Variants in LRP1B observed in about 807,000 individuals in gnomAD.
LRP1B encodes the protein LDL receptor related protein 1B.
A neutral mutation model predicts 556.6 loss-of-function variants in LRP1B; 217 were observed. That is an observed-to-expected ratio of 0.39 (90% CI 0.35 to 0.44). The LOEUF (loss-of-function observed/expected upper bound fraction) is 0.44, where lower values mean the gene tolerates loss of function less well. Ranked by LOEUF, LRP1B falls within the 20% of genes least tolerant of loss-of-function variation. The pLI, the probability that LRP1B is intolerant of heterozygous loss-of-function variation, is 1.00. For missense variants in LRP1B, 5,053 were observed against 5,620.8 expected (o/e 0.90, Z 3.23); for synonymous variants, 2,047 against 1,865.8 (o/e 1.10, Z -2.50).
Position 140,364,665 on chromosome 2 carries a change from C to T in LRP1B, c.11127G>A (p.Met3709Ile), listed in dbSNP as rs751267388. The T allele has an allele frequency of 6.2e-7, 1 of 1,609,424 alleles. No individual in the cohort carries two copies. The highest frequency in any genetic ancestry group is 8.5e-7 in the Non-Finnish European group (1 of 1,177,130). ...GAGCCACGTGAAATGCCATACCACA[C>T]ATATCAGGGGCTTCATCAGAGTTGT... is the stretch of plus-strand genomic sequence containing the variant. ...CGDNSDEAPDMCVKFLCPSTR... is the reference protein window; with the variant it reads ...CGDNSDEAPDICVKFLCPSTR... Residue 3709 changes from methionine to isoleucine, a missense_variant, in exon 72 of 91, where the codon ATG becomes ATA. Coordinates refer to ENST00000389484, the MANE Select transcript of LRP1B (RefSeq NM_018557.3).
intron 1 of LRP1B, among the ~76,000 whole-genome samples, chr2:141,923,486 G>A (rs200539787): frequency 0.023 from 1,389 of 60,594 alleles, 11 homozygotes; most frequent in Middle Eastern, 0.036. Flanking sequence ...GTGTGTGTGT[G>A]TAGAGAGAGG....
At chr2:141,481,447 A>T (rs537240984) in intron 2 of LRP1B, among the ~76,000 whole-genome samples, 66 of 152,328 alleles carry the variant, frequency 4.3e-4, no homozygotes, top group African/African-American at 1.6e-3. Context: ...AATCTGACAT[A>T]GATTATTGCA....
chr2:140,702,107 T>A (rs1686665653), intron 39 of LRP1B, 34 bp downstream of exon 39: 1 of 1,603,862 alleles, frequency 6.2e-7, no homozygotes, highest in South Asian at 1.1e-5. Flanking sequence ...AAATAACATT[T>A]TGAGACTCAA....
At chr2:140,932,886 T>TGCACACAC (rs1695091173) in intron 20 of LRP1B, among the ~76,000 whole-genome samples, 1 of 127,554 alleles carries the variant, frequency 7.8e-6, no homozygotes, top group Non-Finnish European at 1.7e-5. Context: ...TCTCTCCCTA[T>TGCACACAC]ACACACACAC....
chr2:141,280,042 T>G (rs571692512), intron 3 of LRP1B, among the ~76,000 whole-genome samples: 3 of 152,210 alleles, frequency 2.0e-5, no homozygotes, highest in Non-Finnish European at 4.4e-5. Flanking sequence ...AGTAAACAAG[T>G]TGAATCCCTT....
chr2:141,173,366 T>G (rs1297522643), intron 7 of LRP1B, among the ~76,000 whole-genome samples: 1 of 152,078 alleles, frequency 6.6e-6, no homozygotes, highest in African/African-American at 2.4e-5. Flanking sequence ...CCAACTATTT[T>G]TCCTAACATA....
At chr2:141,635,048 A>ACACACACACACG (rs1456952396) in intron 2 of LRP1B, among the ~76,000 whole-genome samples, 5 of 2,570 alleles carry the variant, frequency 1.9e-3, no homozygotes, top group Admixed American at 9.4e-3. Flanking sequence ...CTATAGTGAA[A>ACACACACACACG]CACACACACA....
At chr2:140,949,499 GA>G (rs1268416643) in intron 20 of LRP1B, among the ~76,000 whole-genome samples, 1 of 152,126 alleles carries the variant, frequency 6.6e-6, no homozygotes, top group Non-Finnish European at 1.5e-5. Flanking sequence ...CAGTCAGTTG[GA>G]AATACATCCT....
intron 7 of LRP1B, among the ~76,000 whole-genome samples, chr2:141,095,752 G>A (rs1221138937): frequency 2.0e-5 from 3 of 152,106 alleles, no homozygotes; most frequent in Non-Finnish European, 4.4e-5. Context: ...TGATTTGCCT[G>A]TGCCATCCAG....
chr2:141,365,825 A>C (rs1190517241), intron 3 of LRP1B, among the ~76,000 whole-genome samples: 1 of 151,762 alleles, frequency 6.6e-6, no homozygotes, highest in Non-Finnish European at 1.5e-5. Flanking sequence ...GGCACCCGCC[A>C]CTACGCCCAG....
chr2:140,650,468 C>A (rs1211350363), intron 41 of LRP1B, among the ~76,000 whole-genome samples: 1 of 151,920 alleles, frequency 6.6e-6, no homozygotes, highest in Non-Finnish European at 1.5e-5. Context: ...CCTGTCTCAG[C>A]CTCCCAAGTA....
intron 14 of LRP1B, 36 bp from the exon 15 acceptor site, chr2:141,005,493 C>G (rs2105374188): frequency 1.2e-6 from 2 of 1,604,214 alleles, no homozygotes; most frequent in Non-Finnish European, 1.7e-6. Flanking sequence ...TCAGAGAACT[C>G]TGATTCACGT....
At chr2:141,107,643 T>C (rs758564233) in intron 7 of LRP1B, among the ~76,000 whole-genome samples, 125 of 134,360 alleles carry the variant, frequency 9.3e-4, no homozygotes, top group Non-Finnish European at 1.6e-3. Flanking sequence ...AGACTCCGTG[T>C]CAAAGAAAAA....
chr2:140,929,756 T>TCTCACACA lies in LRP1B; in HGVS notation c.3137-6610_3137-6609insTGTGTGAG, dbSNP rs377746437. Among the ~76,000 whole-genome samples the TCTCACACA allele has an allele frequency of 1.8e-3, 253 of 139,320 alleles. 1 individual carries two copies. The highest frequency in any genetic ancestry group is 3.1e-3 in the Non-Finnish European group (198 of 64,512). The allele number at this position is 139,320 out of a possible 152,430, so 91.4% of individuals were successfully genotyped here. A position where few individuals can be genotyped will look rare whatever the true frequency, so the allele number is the denominator to read the frequency against. On this transcript the variant is annotated intron_variant, in intron 20 of 90. Transcript: ENST00000389484. ...AAGTTTATACCACAGTCATATAGAC[T>TCTCACACA]CACACACACACACACACACACACAC... is the stretch of plus-strand genomic sequence containing the variant.
At chr2:141,089,975 C>G (rs1409891208) in intron 7 of LRP1B, among the ~76,000 whole-genome samples, 1 of 152,156 alleles carries the variant, frequency 6.6e-6, no homozygotes, top group East Asian at 1.9e-4. Context: ...TCAGGATATC[C>G]TAAGGAAGAA....
At chr2:140,486,236 C>T (rs1024619492) in intron 58 of LRP1B, among the ~76,000 whole-genome samples, 2 of 151,882 alleles carry the variant, frequency 1.3e-5, no homozygotes, top group South Asian at 4.2e-4. Flanking sequence ...TAGAAGCCAA[C>T]AGTTACACAG....
chr2:142,090,613 GAACT>G (rs1395790321), intron 1 of LRP1B, among the ~76,000 whole-genome samples: 11 of 152,080 alleles, frequency 7.2e-5, no homozygotes, highest in African/African-American at 2.7e-4. Flanking sequence ...TCCACATTTT[GAACT>G]AAGTGTGTGA....
intron 2 of LRP1B, among the ~76,000 whole-genome samples, chr2:141,645,650 A>G (rs1689535364): frequency 6.6e-6 from 1 of 151,526 alleles, no homozygotes; most frequent in Non-Finnish European, 1.5e-5. Flanking sequence ...TTTTTTTCCA[A>G]TTCTGATTAG....
intron 32 of LRP1B, among the ~76,000 whole-genome samples, chr2:140,789,934 A>G (rs1690054689): frequency 6.6e-6 from 1 of 151,860 alleles, no homozygotes; most frequent in Non-Finnish European, 1.5e-5. Flanking sequence ...CCGGCCAAGG[A>G]CTTTTTATTT....
Sources: allele counts gnomAD v4.1 joint callset (sites outside exome capture counted in the v4.1 genomes callset), GRCh38; gene constraint gnomAD v4.1.1; transcripts MANE v1.5; gene names NCBI Gene and HGNC (gene_info 2026-07-23, HGNC 2026-07-21).